The following SNX29 variants were observed in gnomAD, a reference collection of about 807,000 sequenced individuals.
The protein encoded by SNX29 is sorting nexin-29.
Under a neutral mutation model 102.1 loss-of-function variants are expected in SNX29, and 78 were observed. The ratio of observed to expected loss-of-function variants is 0.76; its 90% CI spans 0.64 to 0.92. The LOEUF is 0.92. Ranked by LOEUF, SNX29 falls within the 40% of genes least tolerant of loss-of-function variation. The pLI is 0.00. For synonymous variants in SNX29, 580 were observed against 414.5 expected (o/e 1.40, Z -4.85); for missense variants, 1,280 against 1,061.7 (o/e 1.21, Z -2.86).
chr16:12,024,231 C>T (rs531672611), intron 3 of SNX29, among the ~76,000 whole-genome samples: 44 of 152,088 alleles, frequency 2.9e-4, no homozygotes, highest in African/African-American at 8.2e-4. Context: ...CTCCGCCTCC[C>T]GGATTCATGT....
At chr16:12,445,675 A>C (rs1194919455) in intron 18 of SNX29, among the ~76,000 whole-genome samples, 2 of 152,186 alleles carry the variant, frequency 1.3e-5, no homozygotes, top group Non-Finnish European at 2.9e-5. Flanking sequence ...GTGGGTTCAG[A>C]ACTTCTCTTT....
At chr16:12,010,442 C>T (rs1230408296) in intron 3 of SNX29, among the ~76,000 whole-genome samples, 1 of 151,958 alleles carries the variant, frequency 6.6e-6, no homozygotes, top group Non-Finnish European at 1.5e-5. Context: ...GCCAACATGG[C>T]GAAACCCCAT....
At chr16:12,398,639 G>A in intron 17 of SNX29, 138 bp downstream of exon 17, 1 of 933,718 alleles carries the variant, frequency 1.1e-6, no homozygotes, top group Admixed American at 2.0e-5. Context: ...TTGTAGAGCT[G>A]GTAGGAGTCG....
intron 11 of SNX29, among the ~76,000 whole-genome samples, chr16:12,107,165 G>T (rs2053288974): frequency 6.6e-6 from 1 of 152,080 alleles, no homozygotes; most frequent in African/African-American, 2.4e-5. Flanking sequence ...TAGTTAAACG[G>T]CCACAGCTGC....
At chr16:12,031,478 C>G (rs979332512) in intron 4 of SNX29, among the ~76,000 whole-genome samples, 1 of 151,952 alleles carries the variant, frequency 6.6e-6, no homozygotes, top group African/African-American at 2.4e-5. Context: ...AGCTCTCACC[C>G]AAGCTCCTAC....
intron 18 of SNX29, among the ~76,000 whole-genome samples, chr16:12,463,817 AGTGTGTGTGTGTGT>A (rs143006476): frequency 1.5e-4 from 22 of 143,378 alleles, no homozygotes; most frequent in Middle Eastern, 3.6e-3. Context: ...TCCCGAAGTG[AGTGTGTGTGTGTGT>A]GTGTGTGTGT....
intron 15 of SNX29, among the ~76,000 whole-genome samples, chr16:12,335,054 G>A (rs972585147): frequency 6.6e-5 from 10 of 152,098 alleles, no homozygotes; most frequent in Admixed American, 4.6e-4. Context: ...GTTGACTGTC[G>A]CTTCACTACC....
intron 14 of SNX29, among the ~76,000 whole-genome samples, chr16:12,269,823 C>T (rs1023692788): frequency 1.4e-5 from 2 of 140,608 alleles, no homozygotes; most frequent in Non-Finnish European, 3.1e-5. Flanking sequence ...TTTACATCAT[C>T]ATCATCATCA....
At chr16:12,016,863 A>G (rs1469650876) in intron 3 of SNX29, among the ~76,000 whole-genome samples, 1 of 152,092 alleles carries the variant, frequency 6.6e-6, no homozygotes, top group East Asian at 1.9e-4. Context: ...ACAGTGGCTC[A>G]TACCTATAAT....
intron 14 of SNX29, among the ~76,000 whole-genome samples, chr16:12,262,541 CAAAG>C (rs1416257524): frequency 2.6e-5 from 4 of 152,192 alleles, no homozygotes; most frequent in Non-Finnish European, 5.9e-5. Context: ...GCAGCGATGA[CAAAG>C]AACGGGGCTG....
chr16:12,107,016 C>T (rs549254278), intron 11 of SNX29, among the ~76,000 whole-genome samples: 1 of 152,286 alleles, frequency 6.6e-6, no homozygotes, highest in African/African-American at 2.4e-5. Context: ...TGAGGTCTCA[C>T]TGTGTTGCCC....
At chr16:12,201,594 C>G (rs2076916379) in intron 14 of SNX29, among the ~76,000 whole-genome samples, 1 of 152,176 alleles carries the variant, frequency 6.6e-6, no homozygotes, top group South Asian at 2.1e-4. Context: ...CTTTACTGTG[C>G]AGAGGAATTG....
intron 19 of SNX29, among the ~76,000 whole-genome samples, chr16:12,510,047 A>G (rs1199347389): frequency 6.6e-6 from 1 of 152,204 alleles, no homozygotes; most frequent in Non-Finnish European, 1.5e-5. Context: ...GCCATGTTGC[A>G]GCTCCAGCCA....
intron 13 of SNX29, among the ~76,000 whole-genome samples, chr16:12,195,219 A>T (rs904333880): frequency 6.6e-6 from 1 of 152,260 alleles, no homozygotes. Context: ...CATATTTATC[A>T]TAGCTTTGAC....
chr16:12,156,871 T>C (rs889440744), intron 13 of SNX29, among the ~76,000 whole-genome samples: 1 of 152,158 alleles, frequency 6.6e-6, no homozygotes, highest in African/African-American at 2.4e-5. Context: ...CGGGTGTGTG[T>C]AGATGCATGA....
chr16:12,568,304 T>TAAAAAAAA (rs34750195), intron 20 of SNX29, among the ~76,000 whole-genome samples: 1 of 146,340 alleles, frequency 6.8e-6, no homozygotes, highest in African/African-American at 2.5e-5. Flanking sequence ...GGAGTGCTGT[T>TAAAAAAAA]AAAAAAAAAA....
chr16:12,378,194 T>C (rs2082946314), intron 16 of SNX29, among the ~76,000 whole-genome samples: 1 of 152,222 alleles, frequency 6.6e-6, no homozygotes, highest in South Asian at 2.1e-4. Flanking sequence ...ACGATTCTGA[T>C]GACTGGAAAG....
chr16:12,021,079 C>T (rs1442732291), intron 3 of SNX29, among the ~76,000 whole-genome samples: 1 of 152,162 alleles, frequency 6.6e-6, no homozygotes, highest in Non-Finnish European at 1.5e-5. Context: ...TAATCCAGTC[C>T]ATTTTCATGA....
chr16:12,008,516 G>T (rs1392126835), intron 3 of SNX29, among the ~76,000 whole-genome samples: 2 of 151,876 alleles, frequency 1.3e-5, no homozygotes, highest in South Asian at 4.2e-4. Flanking sequence ...TGATCCTCCC[G>T]CCTCGGCCTC....
Sources: gnomAD v4.1 joint callset for allele counts (sites outside exome capture counted in the v4.1 genomes callset) on GRCh38, gnomAD v4.1.1 for gene constraint, MANE v1.5 for transcripts, NCBI Gene and HGNC (gene_info 2026-07-23, HGNC 2026-07-21) for gene names.